The following PADI2 variants were observed in gnomAD, a reference collection of about 807,000 sequenced individuals.
The protein encoded by PADI2 is peptidyl arginine deiminase 2.
A neutral mutation model predicts 81.1 loss-of-function variants in PADI2; 70 were observed. The ratio of observed to expected loss-of-function variants is 0.86; its 90% CI spans 0.71 to 1.05. The LOEUF (loss-of-function observed/expected upper bound fraction) is 1.05, where lower values mean the gene tolerates loss of function less well. Ranked by LOEUF, PADI2 falls within the 50% of genes least tolerant of loss-of-function variation. PADI2 has a pLI of 0.00. For missense variants in PADI2, 853 were observed against 889.9 expected (o/e 0.96, Z 0.53); for synonymous variants, 338 against 358.0 (o/e 0.94, Z 0.63).
intron 3 of PADI2, among the ~76,000 whole-genome samples, chr1:17,096,177 G>A (rs1320382801): frequency 1.3e-5 from 2 of 152,200 alleles, no homozygotes; most frequent in South Asian, 2.1e-4. Context: ...TGTGGACCTC[G>A]TAGCTTACGG....
intron 1 of PADI2, among the ~76,000 whole-genome samples, chr1:17,106,439 T>C (rs1224217103): frequency 6.6e-6 from 1 of 151,354 alleles, no homozygotes; most frequent in Non-Finnish European, 1.5e-5. Flanking sequence ...CAGGCTTCTT[T>C]TTCTTCTTCT....
intron 10 of PADI2, 41 bp from the exon 11 acceptor site, chr1:17,079,456 A>G: frequency 9.7e-6 from 15 of 1,547,662 alleles, no homozygotes; most frequent in Non-Finnish European, 1.2e-5. Context: ...TTCTGCAGCC[A>G]GGGTCCTCAG....
Position 17,075,186 on chromosome 1 carries a change from G to A in PADI2, c.1456-237C>T, listed in dbSNP as rs565056808. The A allele has an allele frequency of 1.8e-3, 797 of 445,146 alleles. 1 individual carries two copies. The highest frequency in any genetic ancestry group is 2.4e-3 in the Non-Finnish European group (604 of 248,032). 27.6% of individuals were successfully genotyped at this position (445,146 alleles called of 1,614,324 possible). On this transcript the variant is annotated intron_variant, in intron 12 of 15. Coordinates refer to ENST00000375486, the MANE Select transcript of PADI2 (RefSeq NM_007365.3). ...CAGAGTCAAAGGTGGACTTGGACAG[G>A]ACATCTCCAAGTTGCCAAGCAGCCA...
At chr1:17,085,705 T>C in intron 7 of PADI2, among the ~76,000 whole-genome samples, 1 of 152,158 alleles carries the variant, frequency 6.6e-6, no homozygotes, top group East Asian at 1.9e-4. Context: ...GAGTTGAACC[T>C]GGGCAGTCGG....
At chr1:17,101,755 CT>C (rs796320714) in intron 3 of PADI2, among the ~76,000 whole-genome samples, 189 of 152,300 alleles carry the variant, frequency 1.2e-3, no homozygotes, top group African/African-American at 4.4e-3. Context: ...GAGACCCCCC[CT>C]GAGAATGTGG....
chr1:17,068,234 G>A lies in PADI2; in HGVS notation c.*810C>T, dbSNP rs2078236781. On this transcript the variant is annotated 3_prime_UTR_variant, in exon 16 of 16. Transcript: ENST00000375486. Reference sequence around the variant, plus strand: ...GTCAGGGAGCGGCCAGAGAATCAAGGACCAGGCAAGAGAAGATGGATATGG... The same window carrying A: ...GTCAGGGAGCGGCCAGAGAATCAAGAACCAGGCAAGAGAAGATGGATATGG... The A allele has an allele frequency of 6.5e-6, 1 of 152,956 alleles. No individual in the cohort carries two copies. The highest frequency in any genetic ancestry group is 1.5e-5 in the Non-Finnish European group (1 of 68,272). 9.5% of individuals were successfully genotyped at this position (152,956 alleles called of 1,614,324 possible).
chr1:17,074,643 G>A (rs1166427347), intron 13 of PADI2, among the ~76,000 whole-genome samples: 5 of 152,174 alleles, frequency 3.3e-5, no homozygotes, highest in African/African-American at 1.2e-4. Context: ...AAGGAGCTGT[G>A]GGCAGCTCAC....
At chr1:17,103,912 A>G (rs1931241496) in intron 2 of PADI2, among the ~76,000 whole-genome samples, 1 of 151,516 alleles carries the variant, frequency 6.6e-6, no homozygotes, top group Non-Finnish European at 1.5e-5. Context: ...TGAACCCAGT[A>G]GCTTGAGGTT....
At chr1:17,117,345 C>G (rs183664082) in intron 1 of PADI2, among the ~76,000 whole-genome samples, 183 of 152,226 alleles carry the variant, frequency 1.2e-3, no homozygotes, top group Non-Finnish European at 2.0e-3. Flanking sequence ...TTGGGTTAAA[C>G]AAAATATATT....
chr1:17,081,712 T>G (rs2078345864), intron 10 of PADI2, among the ~76,000 whole-genome samples: 1 of 152,174 alleles, frequency 6.6e-6, no homozygotes. Flanking sequence ...TGGTTTCGGT[T>G]CTAACTTCAC....
At chr1:17,099,211 C>T (rs1456021856) in intron 3 of PADI2, among the ~76,000 whole-genome samples, 1 of 152,152 alleles carries the variant, frequency 6.6e-6, no homozygotes, top group Non-Finnish European at 1.5e-5. Context: ...TACTAAGCAG[C>T]TTGAGATGTT....
chr1:17,086,816 G>T (rs775387339), intron 6 of PADI2, 117 bp from the exon 7 acceptor site: 8 of 810,446 alleles, frequency 9.9e-6, no homozygotes, highest in Admixed American at 2.6e-5. Context: ...AGAGAGAAAA[G>T]CACAAGCAGA....
chr1:17,099,780 A>G (rs1261850673), intron 3 of PADI2, among the ~76,000 whole-genome samples: 5 of 152,212 alleles, frequency 3.3e-5, no homozygotes, highest in Admixed American at 2.6e-4. Context: ...TTCGCACACA[A>G]CATCCCACTG....
At chr1:17,084,333 G>C (rs1055125578) in intron 8 of PADI2, among the ~76,000 whole-genome samples, 3 of 152,348 alleles carry the variant, frequency 2.0e-5, no homozygotes, top group Middle Eastern at 3.4e-3. Flanking sequence ...CTAACTGCCT[G>C]GTAGAGGGTT....
chr1:17,102,690 A>G (rs737428), intron 3 of PADI2, among the ~76,000 whole-genome samples: 93,807 of 150,358 alleles, frequency 0.62, 29,711 homozygotes, highest in African/African-American at 0.71. Context: ...AGGCAGGGGG[A>G]AACACACTTC....
intron 1 of PADI2, among the ~76,000 whole-genome samples, chr1:17,107,532 G>C (rs1931426773): frequency 6.6e-6 from 1 of 152,324 alleles, no homozygotes; most frequent in African/African-American, 2.4e-5. Context: ...GTCTGGCATG[G>C]GGCCCAAGAA....
At chr1:17,117,628 C>A (rs1931804708) in intron 1 of PADI2, among the ~76,000 whole-genome samples, 1 of 152,138 alleles carries the variant, frequency 6.6e-6, no homozygotes, top group Non-Finnish European at 1.5e-5. Context: ...GTGCCCCTAC[C>A]CCAGCTGGGC....
At chr1:17,086,407 CA>C in intron 7 of PADI2, 113 bp downstream of exon 7, 2 of 863,226 alleles carry the variant, frequency 2.3e-6, no homozygotes, top group Non-Finnish European at 3.5e-6. Flanking sequence ...AGCCTGGACC[CA>C]CCCCTTTGGC....
chr1:17,114,865 G>A (rs1405892557), intron 1 of PADI2, among the ~76,000 whole-genome samples: 1 of 152,150 alleles, frequency 6.6e-6, no homozygotes, highest in Non-Finnish European at 1.5e-5. Flanking sequence ...CACAGCCAAG[G>A]GCTAACAGCA....
Sources: allele counts gnomAD v4.1 joint callset (sites outside exome capture counted in the v4.1 genomes callset), GRCh38; gene constraint gnomAD v4.1.1; transcripts MANE v1.5; gene names NCBI Gene and HGNC (gene_info 2026-07-23, HGNC 2026-07-21).